ZC3H14: variants seen among roughly 807,000 people sequenced by gnomAD.
ZC3H14 encodes the protein zinc finger CCCH domain-containing protein 14.
ZC3H14 carries 31 observed loss-of-function variants against 92.4 expected under a neutral mutation model. The ratio of observed to expected loss-of-function variants is 0.34; its 90% confidence interval spans 0.25 to 0.45. The LOEUF (loss-of-function observed/expected upper bound fraction) is 0.45. ZC3H14 is among the 20% of genes least tolerant of loss of function. The pLI is 1.00. For missense variants in ZC3H14, 781 were observed against 897.3 expected, an observed-to-expected ratio of 0.87 and a Z score of 1.66; for synonymous variants, 321 against 300.9, an observed-to-expected ratio of 1.07 and a Z score of -0.69.
intron 9 of ZC3H14, among the ~76,000 whole-genome samples, chr14:88,581,644 T>C (rs1048402387): frequency 3.3e-5 from 5 of 152,182 alleles, no homozygotes; most frequent in Admixed American, 1.3e-4. Flanking sequence ...AATGTTAACA[T>C]GATCCTGGAA....
intron 2 of ZC3H14, among the ~76,000 whole-genome samples, 164 bp downstream of exon 2, chr14:88,563,857 A>G (rs2079212501): frequency 6.6e-6 from 1 of 151,710 alleles, no homozygotes; most frequent in South Asian, 2.1e-4. Flanking sequence ...TCTTTTTGCA[A>G]CCTTGTTTTT....
Position 88,621,887 on chromosome 14 carries a change from A to C in ZC3H14, c.*10136A>C. On this transcript the variant is annotated 3_prime_UTR_variant, in exon 17 of 17. Coordinates refer to ENST00000251038, the MANE Select transcript of ZC3H14 (RefSeq NM_024824.5). ...TTTCTTTGTGATGGAAACTTTCAAA[A>C]TCCTCTCTTGTAAATACCTGAAAAT... The C allele has an allele frequency of 2.2e-6, 1 of 456,384 alleles. No homozygotes were observed. The highest frequency in any genetic ancestry group is 4.4e-6 in the Non-Finnish European group (1 of 226,848). The allele number at this position is 456,384 out of a possible 1,614,324, so 28.3% of individuals were successfully genotyped here. A position where few individuals can be genotyped will look rare whatever the true frequency, so the allele number is the denominator to read the frequency against.
intron 10 of ZC3H14, among the ~76,000 whole-genome samples, chr14:88,598,169 A>T (rs1290638476): frequency 6.6e-6 from 1 of 151,972 alleles, no homozygotes; most frequent in Non-Finnish European, 1.5e-5. Flanking sequence ...TACATTTAAG[A>T]GTGGAGCACT....
chr14:88,619,901 G>A lies in ZC3H14; in HGVS notation c.*8150G>A, dbSNP rs1254380377. The A allele has an allele frequency of 6.6e-6, 1 of 152,254 alleles. No individual in the cohort carries two copies. Among genetic ancestry groups the A allele is most frequent in the African/African-American group, 2.4e-5 (1 of 41,456 alleles). The allele number at this position is 152,254 out of a possible 1,614,324, so 9.4% of individuals were successfully genotyped here. The stretch of plus-strand genomic sequence containing the variant: ...GCTGGTCGAGTACTCCTGACTTCAG[G>A]TGATCTGCCTGCCTCGGCCTCCCAA... On this transcript the variant is annotated 3_prime_UTR_variant, in exon 17 of 17. Transcript: ENST00000251038.
At position 88,621,388 on chromosome 14, in the gene ZC3H14, C is replaced by T. The variant is rs1414972693; in HGVS notation, c.*9637C>T. 1 of 1,528,942 alleles carries T rather than the reference C, an allele frequency of 6.5e-7. No homozygotes were observed. The highest frequency in any genetic ancestry group is 9.0e-7 in the Non-Finnish European group (1 of 1,116,660). 94.7% of individuals were successfully genotyped at this position (1,528,942 alleles called of 1,614,324 possible). On this transcript the variant is annotated 3_prime_UTR_variant, in exon 17 of 17. Transcript: ENST00000251038. The stretch of plus-strand genomic sequence containing the variant: ...ATATAAAAATGACCCTATTGACCTG[C>T]TTTCAGAGAACTTTTTGCTTTGAGC...
intron 9 of ZC3H14, among the ~76,000 whole-genome samples, chr14:88,585,335 C>G (rs1035215295): frequency 6.7e-6 from 1 of 149,558 alleles, no homozygotes; most frequent in Admixed American, 6.6e-5. Flanking sequence ...AACCCTGGTT[C>G]TACAATTTTA....
At position 88,615,740 on chromosome 14, in the gene ZC3H14, CA is replaced by C. The variant is rs2087493906; in HGVS notation, c.*3990del. 6 of 1,385,604 alleles carry C rather than the reference CA, an allele frequency of 4.3e-6. No individual in the cohort carries two copies. The East Asian group carries it at 1.2e-4, about 27-fold the overall frequency. The allele number at this position is 1,385,604 out of a possible 1,614,324, so 85.8% of individuals were successfully genotyped here. A position where few individuals can be genotyped will look rare whatever the true frequency, so the allele number is the denominator to read the frequency against. ...CAGTCTTGGGTTAGCACCACTTGAC[CA>C]TGCAGGGTTGGGTTTTGGTTTTTCT... On this transcript the variant is annotated 3_prime_UTR_variant, in exon 17 of 17. Coordinates refer to ENST00000251038, the MANE Select transcript of ZC3H14 (RefSeq NM_024824.5).
At position 88,625,383 on chromosome 14, in the gene ZC3H14, A is replaced by G. The variant is rs2089765625; in HGVS notation, c.*13632A>G. ...ACAATTCTTCCCTTCCAATTCTAAC[A>G]TACTATAATTCTAGGGTTTATTTTT... On this transcript the variant is annotated 3_prime_UTR_variant, in exon 17 of 17. Coordinates refer to ENST00000251038, the MANE Select transcript of ZC3H14 (RefSeq NM_024824.5). 2.5e-6 allele frequency: 1 copy of G among 397,416 alleles called. No homozygotes were observed. Among genetic ancestry groups the G allele is most frequent in the Non-Finnish European group, 4.5e-6 (1 of 223,284 alleles). The allele number at this position is 397,416 out of a possible 1,614,324, so 24.6% of individuals were successfully genotyped here.
At position 88,618,545 on chromosome 14, in the gene ZC3H14, T is replaced by A; in HGVS notation, c.*6794T>A. On this transcript the variant is annotated 3_prime_UTR_variant, in exon 17 of 17. Transcript: ENST00000251038. Reference sequence around the variant, plus strand: ...GGTCAGAAGGTACAAAGGGAGGAGTTGAGAAGCTGGAGCTCTGGAGCTCAG... The same window carrying A: ...GGTCAGAAGGTACAAAGGGAGGAGTAGAGAAGCTGGAGCTCTGGAGCTCAG... 1 of 1,350,994 alleles carries A rather than the reference T, an allele frequency of 7.4e-7. No individual in the cohort carries two copies. Among genetic ancestry groups the A allele is most frequent in the Non-Finnish European group, 1.0e-6 (1 of 999,226 alleles). 83.7% of individuals were successfully genotyped at this position (1,350,994 alleles called of 1,614,324 possible).
intron 12 of ZC3H14, among the ~76,000 whole-genome samples, chr14:88,605,423 C>G (rs546382497): frequency 6.6e-6 from 1 of 152,288 alleles, no homozygotes; most frequent in South Asian, 2.1e-4. Context: ...CCTCCACCTC[C>G]CAGGCTCAAG....
At position 88,609,402 on chromosome 14, in the gene ZC3H14, A is replaced by C; in HGVS notation, c.2004A>C (p.Pro668=). 6.2e-7 allele frequency: 1 copy of C among 1,614,102 alleles called. No homozygotes were observed. The highest frequency in any genetic ancestry group is 1.7e-5 in the Admixed American group (1 of 60,028). The change falls in exon 14 of 17, where the codon CCA becomes CCC. Residue 668 remains proline, a splice_region_variant and synonymous_variant. Coordinates refer to ENST00000251038, the MANE Select transcript of ZC3H14 (RefSeq NM_024824.5). Reference sequence around the variant, plus strand: ...GAATTCCAGTACTGTCTCCAAAACCAGGTGAGTGAGTGACTGTGCTACTAC... The same window carrying C: ...GAATTCCAGTACTGTCTCCAAAACCCGGTGAGTGAGTGACTGTGCTACTAC... ...SRRIPVLSPK[P]AVAPPAPPSS...
Position 88,602,951 on chromosome 14 carries a change from C to G in ZC3H14, c.1638C>G (p.Pro546=). Residue 546 remains proline, a synonymous_variant, in exon 12 of 17, where the codon CCC becomes CCG. Coordinates refer to ENST00000251038, the MANE Select transcript of ZC3H14 (RefSeq NM_024824.5). ...EEDMCFEGMK[P]VNQTAASNKG... ...ACATGTGCTTTGAAGGAATGAAACCCGTAAACCAAACTGCAGCCTCAAACA... is the reference window on the plus strand; with the variant it reads ...ACATGTGCTTTGAAGGAATGAAACCGGTAAACCAAACTGCAGCCTCAAACA... The G allele has an allele frequency of 1.2e-6, 2 of 1,614,116 alleles. No individual in the cohort carries two copies. Among genetic ancestry groups the G allele is most frequent in the Non-Finnish European group, 8.5e-7 (1 of 1,180,022 alleles).
At chr14:88,573,497 G>C (rs187555753) in intron 6 of ZC3H14, among the ~76,000 whole-genome samples, 1 of 152,182 alleles carries the variant, frequency 6.6e-6, no homozygotes, top group Admixed American at 6.5e-5. Flanking sequence ...GTGATGGCGC[G>C]ATCTCAACTC....
At chr14:88,611,463 C>G (rs2086738414) in intron 16 of ZC3H14, among the ~76,000 whole-genome samples, 1 of 152,128 alleles carries the variant, frequency 6.6e-6, no homozygotes, top group Admixed American at 6.5e-5. Context: ...TATATGTGTA[C>G]TGTACTTGAA....
At position 88,618,265 on chromosome 14, in the gene ZC3H14, C is replaced by A. The variant is rs1468961716; in HGVS notation, c.*6514C>A. 5 of 1,613,668 alleles carry A rather than the reference C, an allele frequency of 3.1e-6. No homozygotes were observed. The highest frequency in any genetic ancestry group is 4.2e-6 in the Non-Finnish European group (5 of 1,179,856). On this transcript the variant is annotated 3_prime_UTR_variant, in exon 17 of 17. Coordinates refer to ENST00000251038, the MANE Select transcript of ZC3H14 (RefSeq NM_024824.5). ...GCCCAAGTAATTCTGTCAATAGCGGCATGATCCATAAGATGTTTTCCTGAA... is the reference window on the plus strand; with the variant it reads ...GCCCAAGTAATTCTGTCAATAGCGGAATGATCCATAAGATGTTTTCCTGAA...
intron 2 of ZC3H14, chr14:88,567,732 C>T (rs1339055400): frequency 2.7e-6 from 1 of 376,588 alleles, no homozygotes; most frequent in East Asian, 6.4e-5. Context: ...TTCCCATAAG[C>T]TTCTTTGAAA....
chr14:88,608,736 G>T (rs1260847837), intron 13 of ZC3H14: 1 of 160,322 alleles, frequency 6.2e-6, no homozygotes, highest in African/African-American at 2.4e-5. Context: ...TTTGGACTTG[G>T]GTTAAATTTT....
chr14:88,578,134 A>C lies in ZC3H14; in HGVS notation c.1273A>C (p.Asn425His), dbSNP rs1401324807. 6.2e-7 allele frequency: 1 copy of C among 1,613,930 alleles called. No homozygotes were observed. The highest frequency in any genetic ancestry group is 1.3e-5 in the African/African-American group (1 of 74,898). Residue 425 changes from asparagine to histidine, a missense_variant, in exon 9 of 17, where the codon AAT becomes CAT. This residue lies in a region of ZC3H14 where 454 missense variants were observed against 438.5 expected (regional missense o/e 1.04). Transcript: ENST00000251038. ...EETKGDSVEKNQGTQQRQLLS... is the reference protein window; with the variant it reads ...EETKGDSVEKHQGTQQRQLLS... ...AACAAAAGGAGATTCTGTAGAAAAA[A>C]ATCAAGGTAATAACTTAAATGATGT...
chr14:88,596,734 G>C lies in ZC3H14; in HGVS notation c.1280G>C (p.Gly427Ala). 2 of 1,613,664 alleles carry C rather than the reference G, an allele frequency of 1.2e-6. No individual in the cohort carries two copies. The highest frequency in any genetic ancestry group is 1.7e-6 in the Non-Finnish European group (2 of 1,179,700). Reference protein sequence around the residue: ...TKGDSVEKNQGTQQRQLLSRL... With the variant: ...TKGDSVEKNQATQQRQLLSRL... ...TGAAGTTTTAAAATTTATATTCTAG[G>C]AACTCAACAGAGGCAATTATTATCC... Residue 427 changes from glycine to alanine, a missense_variant and splice_region_variant, in exon 10 of 17, where the codon GGA (glycine) becomes GCA (alanine). Around this residue, in one of 3 missense-constraint regions of ZC3H14, gnomAD observed 454 missense variants for 438.5 expected, o/e 1.04. Coordinates refer to ENST00000251038, the MANE Select transcript of ZC3H14 (RefSeq NM_024824.5).
Sources: allele counts gnomAD v4.1 joint callset (sites outside exome capture counted in the v4.1 genomes callset), GRCh38; gene constraint gnomAD v4.1.1; regional missense constraint gnomAD v4.1.1; transcripts MANE v1.5; gene names NCBI Gene and HGNC (gene_info 2026-07-23, HGNC 2026-07-21).